The following UGT2B4 variants were observed in gnomAD, a reference collection of about 807,000 sequenced individuals.
UGT2B4 encodes the protein UDP glucuronosyltransferase family 2 member B4, also known as UDP-glucuronosyltransferase 2B4.
A neutral mutation model predicts 49.8 loss-of-function variants in UGT2B4; 49 were observed. That is an observed-to-expected ratio of 0.98 (90% CI 0.78 to 1.25). The LOEUF (loss-of-function observed/expected upper bound fraction) is 1.25. Ranked by LOEUF, UGT2B4 falls within the 50% of genes most tolerant of loss-of-function variation. The probability of loss-of-function intolerance (pLI) is 0.00; values close to 1 mark genes in which losing one functional copy is unlikely to be tolerated. For synonymous variants in UGT2B4, 246 were observed against 217.7 expected, an observed-to-expected ratio of 1.13 and a Z score of -1.14; for missense variants, 729 against 627.7, an observed-to-expected ratio of 1.16 and a Z score of -1.73.
chr4:69,481,563 T>C (rs1328312558), intron 5 of UGT2B4, among the ~76,000 whole-genome samples: 1 of 152,200 alleles, frequency 6.6e-6, no homozygotes, highest in Non-Finnish European at 1.5e-5. Context: ...GGTATTTTTC[T>C]ATGAGGTGCA....
intron 1 of UGT2B4, among the ~76,000 whole-genome samples, chr4:69,514,889 T>C (rs1728690722): frequency 6.6e-6 from 1 of 152,044 alleles, no homozygotes; most frequent in South Asian, 2.1e-4. Context: ...AGGGTTGCAG[T>C]CCTAGTTTAA....
chr4:69,492,798 G>A (rs969683746), intron 2 of UGT2B4, among the ~76,000 whole-genome samples: 10 of 151,998 alleles, frequency 6.6e-5, no homozygotes, highest in African/African-American at 2.4e-4. Flanking sequence ...GTAAAAGTAG[G>A]CATAGGTAAT....
At chr4:69,501,255 G>T (rs1361804542) in intron 1 of UGT2B4, among the ~76,000 whole-genome samples, 2 of 138,420 alleles carry the variant, frequency 1.4e-5, no homozygotes, top group Non-Finnish European at 3.1e-5. Context: ...GCCGGGGGCG[G>T]GTGGAAGGAA....
chr4:69,480,507 C>A lies in UGT2B4; in HGVS notation c.*127G>T. 1 of 1,436,222 alleles carries A rather than the reference C, an allele frequency of 7.0e-7. No homozygotes were observed. The highest frequency in any genetic ancestry group is 9.3e-7 in the Non-Finnish European group (1 of 1,072,594). 89.0% of individuals were successfully genotyped at this position (1,436,222 alleles called of 1,614,324 possible). ...GGTACTAAAACAAATTTTGACTTGA[C>A]AAGGTAAGTTTTGAAAGATGTTTTG... On this transcript the variant is annotated 3_prime_UTR_variant, in exon 6 of 6. Transcript: ENST00000305107.
chr4:69,522,459 G>T (rs753433418), intron 1 of UGT2B4, among the ~76,000 whole-genome samples: 10 of 152,182 alleles, frequency 6.6e-5, no homozygotes, highest in Admixed American at 1.3e-4. Context: ...AAATGGTGTG[G>T]TTTCCCAGTA....
In UGT2B4 at chr4:69,495,169, C is replaced by T. The variant is rs1347562894; in HGVS notation, c.693G>A (p.Lys231=). The T allele has an allele frequency of 6.4e-7, 1 of 1,574,346 alleles. No individual in the cohort carries two copies. The highest frequency in any genetic ancestry group is 8.6e-7 in the Non-Finnish European group (1 of 1,164,702). The change falls in exon 1 of 6, where the codon AAG becomes AAA. Residue 231 remains lysine, a synonymous_variant. Transcript: ENST00000305107. ...GAACTTCACTGTAGAACTGATCCCA[C>T]TTCTTCATGTCAAATATTTGGAACC... ...EFWFQIFDMK[K]WDQFYSEVLG... is the part of the protein sequence containing the mutation.
At chr4:69,498,876 C>T (rs1013708747), upstream of UGT2B4, among the ~76,000 whole-genome samples, 18 of 152,108 alleles carry the variant, frequency 1.2e-4, no homozygotes, top group Non-Finnish European at 2.4e-4. Flanking sequence ...CAGCACCACT[C>T]TGATCTTAGT....
At chr4:69,488,383 C>T (rs901396930) in intron 3 of UGT2B4, among the ~76,000 whole-genome samples, 5 of 150,640 alleles carry the variant, frequency 3.3e-5, no homozygotes, top group Non-Finnish European at 5.9e-5. Context: ...TTTTGGAACC[C>T]CCAAGGAATC....
rs778378649 is a variant in UGT2B4 at position 69,480,792 on chromosome 4, G to A, written c.1429C>T (p.Arg477Trp). 59 of 1,613,944 alleles carry A rather than the reference G, an allele frequency of 3.7e-5. 1 individual carries two copies. The highest frequency in any genetic ancestry group is 1.9e-4 in the South Asian group (17 of 91,072). ...CAGGTGAGGTCGTGGGCTGCAACCC[G>A]AAGGTGCTTGGCTCCTTTATGGCGC... ...VMRHKGAKHL[R>W]VAAHDLTWFQ... is the part of the protein sequence containing the mutation. Residue 477 changes from arginine (R) to tryptophan (W), a missense_variant, in exon 6 of 6, where the codon CGG becomes TGG. Coordinates refer to ENST00000305107, the MANE Select transcript of UGT2B4 (RefSeq NM_021139.3).
At chr4:69,496,432 G>A (rs1187520021), upstream of UGT2B4, among the ~76,000 whole-genome samples, 1 of 152,314 alleles carries the variant, frequency 6.6e-6, no homozygotes, top group East Asian at 1.9e-4. Context: ...GTAGCAGTGA[G>A]AGGCTCATGT....
At chr4:69,524,511 T>TTA (rs1164913213) in intron 1 of UGT2B4, among the ~76,000 whole-genome samples, 1 of 151,732 alleles carries the variant, frequency 6.6e-6, no homozygotes, top group Admixed American at 6.6e-5. Flanking sequence ...CCACAAACAA[T>TTA]TACAATAGTA....
At chr4:69,488,484 G>A (rs1727861327) in intron 3 of UGT2B4, among the ~76,000 whole-genome samples, 1 of 152,042 alleles carries the variant, frequency 6.6e-6, no homozygotes, top group Non-Finnish European at 1.5e-5. Flanking sequence ...CAAAATATTA[G>A]CATAGGTCAT....
chr4:69,502,139 TTC>T (rs769540892), intron 1 of UGT2B4, among the ~76,000 whole-genome samples: 1 of 137,360 alleles, frequency 7.3e-6, no homozygotes, highest in Non-Finnish European at 1.6e-5. Context: ...CTTTCTTTCT[TTC>T]TTTCTTTCTC....
In UGT2B4 at chr4:69,485,330, A is replaced by C. The variant is rs1381340756; in HGVS notation, c.1188T>G (p.Phe396Leu). 1.9e-6 allele frequency: 3 copies of C among 1,613,970 alleles called. No homozygotes were observed. Among genetic ancestry groups the C allele is most frequent in the African/African-American group, 1.3e-5 (1 of 74,928 alleles). The change falls in exon 5 of 6, where the codon TTT becomes TTG. Residue 396 changes from phenylalanine (F) to leucine (L), a missense_variant. Phe to Leu is a conservative substitution (Grantham distance 22). Coordinates refer to ENST00000305107, the MANE Select transcript of UGT2B4 (RefSeq NM_021139.3). ...GTGCAATGTTATCAGGTTGATCTGC[A>C]AACAATGGAACGCCCACCATAGGGA... Reference protein sequence around the residue: ...HGIPMVGVPLFADQPDNIAHM... With the variant: ...HGIPMVGVPLLADQPDNIAHM...
intron 2 of UGT2B4, 113 bp from the exon 3 acceptor site, chr4:69,489,683 A>G: frequency 6.9e-7 from 1 of 1,443,874 alleles, no homozygotes; most frequent in Non-Finnish European, 9.3e-7. Context: ...TTATTGGAGT[A>G]AAGGATGTTT....
At chr4:69,507,124 A>T (rs1052093707) in intron 1 of UGT2B4, among the ~76,000 whole-genome samples, 7 of 152,214 alleles carry the variant, frequency 4.6e-5, no homozygotes, top group Admixed American at 6.5e-5. Flanking sequence ...CATCATACTG[A>T]ATGGGCAAAA....
In UGT2B4 at chr4:69,510,993, T is replaced by C. The variant is rs545479396; in HGVS notation, c.-106+14694A>G. On this transcript the variant is annotated intron_variant, in intron 1 of 1. Coordinates refer to the UGT2B4 transcript ENST00000510114. ...ATACTCTTTCTTTTCTTTTCTTCTT[T>C]TTTTTTTTTTTTTTGAGACAGTCTC... Among the ~76,000 whole-genome samples, 62 of 143,862 alleles carry C rather than the reference T, an allele frequency of 4.3e-4. 2 individuals are homozygous for C. The highest frequency in any genetic ancestry group is 8.3e-4 in the Admixed American group (12 of 14,422). 94.4% of individuals were successfully genotyped at this position (143,862 alleles called of 152,430 possible).
intron 5 of UGT2B4, 134 bp from the exon 6 acceptor site, chr4:69,481,044 C>T: frequency 1.6e-6 from 1 of 611,956 alleles, no homozygotes; most frequent in South Asian, 3.1e-5. Context: ...CAAGACCATC[C>T]TGGCTAACAC....
upstream of UGT2B4, chr4:69,496,072 G>T: frequency 1.4e-6 from 1 of 703,934 alleles, no homozygotes; most frequent in Non-Finnish European, 2.0e-6. Context: ...GTTCTTTTTG[G>T]ATTTTTTTTT....
Sources: gnomAD v4.1 joint callset for allele counts (sites outside exome capture counted in the v4.1 genomes callset) on GRCh38, gnomAD v4.1.1 for gene constraint, MANE v1.5 for transcripts, NCBI Gene and HGNC (gene_info 2026-07-23, HGNC 2026-07-21) for gene names.